CHRNB4: variants seen among roughly 807,000 people sequenced by gnomAD.
CHRNB4 encodes neuronal acetylcholine receptor subunit beta-4.
Under a neutral mutation model 40.4 loss-of-function variants are expected in CHRNB4, and 23 were observed. The ratio of observed to expected loss-of-function variants is 0.57; its 90% CI spans 0.41 to 0.81. CHRNB4 has a LOEUF of 0.81. Ranked by LOEUF, CHRNB4 falls within the 30% of genes least tolerant of loss-of-function variation. CHRNB4 has a pLI of 0.00. For missense variants in CHRNB4, 568 were observed against 670.6 expected (o/e 0.85, Z 1.69); for synonymous variants, 285 against 274.4 (o/e 1.04, Z -0.38).
At chr15:78,643,076 C>G (rs2054094997), upstream of CHRNB4, among the ~76,000 whole-genome samples, 1 of 151,652 alleles carries the variant, frequency 6.6e-6, no homozygotes, top group Non-Finnish European at 1.5e-5. Flanking sequence ...ATACCCAGAA[C>G]CTAGAAAACC....
upstream of CHRNB4, among the ~76,000 whole-genome samples, chr15:78,642,893 C>T (rs72743168): frequency 0.046 from 7,034 of 152,272 alleles, 235 homozygotes; most frequent in Middle Eastern, 0.088. Context: ...TGCATTGCTT[C>T]TGGAGCCAGG....
At chr15:78,660,469 CCTA>C (rs1455303243) in intron 1 of CHRNB4, 6 of 152,288 alleles carry the variant, frequency 3.9e-5, no homozygotes, top group African/African-American at 9.6e-5. Context: ...CTAGTAAAAA[CCTA>C]CTATGACGTG....
chr15:78,648,962 G>A (rs113836107), intron 7 of CHRNB4, among the ~76,000 whole-genome samples: 3,484 of 152,130 alleles, frequency 0.023, 133 homozygotes, highest in African/African-American at 0.079. Flanking sequence ...ATTTTTTGTA[G>A]AGACCGGGTC....
At chr15:78,660,588 G>C (rs997940508), upstream of CHRNB4, 1 of 154,208 alleles carries the variant, frequency 6.5e-6, no homozygotes, top group Admixed American at 6.4e-5. Context: ...GCTCATAGAG[G>C]GCCCCACGTC....
At chr15:78,640,521 A>C (rs1310657987) in intron 1 of CHRNB4, among the ~76,000 whole-genome samples, 2 of 152,176 alleles carry the variant, frequency 1.3e-5, no homozygotes, top group African/African-American at 2.4e-5. Context: ...AGGGCTGCTG[A>C]TTTGGGCAAG....
chr15:78,643,920 C>G (rs888619514), upstream of CHRNB4, among the ~76,000 whole-genome samples: 1 of 149,600 alleles, frequency 6.7e-6, no homozygotes, highest in African/African-American at 2.5e-5. Flanking sequence ...GAGGCTGAGG[C>G]GGGCGGATCA....
At chr15:78,647,910 A>G (rs1183755771) in intron 7 of CHRNB4, among the ~76,000 whole-genome samples, 1 of 151,760 alleles carries the variant, frequency 6.6e-6, no homozygotes, top group African/African-American at 2.4e-5. Context: ...AATGGCAACA[A>G]AAACCTTACG....
chr15:78,659,720 A>G (rs1197609674), intron 1 of CHRNB4, among the ~76,000 whole-genome samples: 2 of 152,250 alleles, frequency 1.3e-5, no homozygotes, highest in Non-Finnish European at 2.9e-5. Flanking sequence ...GGTTAGACAG[A>G]GATAGTGAGG....
rs140191301 is a variant in CHRNB4 at position 78,626,756 on chromosome 15, G to A, written c.1339-1465C>T. ...CTTCACAGGATTCCAGGGAGGGTTA[G>A]CAGTAATGTATGTCAGCTCCCAGCA... On this transcript the variant is annotated intron_variant, in intron 5 of 5. Transcript: ENST00000261751. 9 of 152,370 alleles carry A rather than the reference G, an allele frequency of 5.9e-5. No homozygotes were observed. The East Asian group carries it at 1.7e-3, about 29-fold the overall frequency. 9.4% of individuals were successfully genotyped at this position (152,370 alleles called of 1,614,324 possible).
rs572877281 is a variant in CHRNB4 at position 78,631,007 on chromosome 15, T to G, written c.359+69A>C. On this transcript the variant is annotated intron_variant, in intron 4 of 5. Transcript: ENST00000261751. The stretch of plus-strand genomic sequence containing the variant: ...GCTCAGGGTTGGACTCAGGCCTGGA[T>G]GACTCTTAGGGCTGGGCCTGCTGCC... 1.2e-4 allele frequency: 147 copies of G among 1,246,858 alleles called. No homozygotes were observed. The African/African-American group carries it at 2.0e-3, about 17-fold the overall frequency. 77.2% of individuals were successfully genotyped at this position (1,246,858 alleles called of 1,614,324 possible). A position where few individuals can be genotyped will look rare whatever the true frequency, so the allele number is the denominator to read the frequency against.
chr15:78,633,869 G>C (rs1383093979), intron 2 of CHRNB4, among the ~76,000 whole-genome samples: 1 of 147,620 alleles, frequency 6.8e-6, no homozygotes, highest in African/African-American at 2.5e-5. Flanking sequence ...GTCAGCAGAG[G>C]AAACAGTGCT....
upstream of CHRNB4, chr15:78,661,464 A>G (rs1596128407): frequency 7.8e-6 from 4 of 515,696 alleles, no homozygotes; most frequent in East Asian, 1.4e-4. Flanking sequence ...CAGCCTCTTC[A>G]GTACAACCTG....
chr15:78,652,008 G>A (rs993254219), intron 6 of CHRNB4, among the ~76,000 whole-genome samples: 2 of 152,210 alleles, frequency 1.3e-5, no homozygotes, highest in Non-Finnish European at 2.9e-5. Flanking sequence ...TCATCATTTT[G>A]TCCTCACAAG....
intron 4 of CHRNB4, among the ~76,000 whole-genome samples, chr15:78,655,977 G>C (rs11638830): frequency 0.28 from 41,992 of 151,952 alleles, 7,434 homozygotes; most frequent in Non-Finnish European, 0.41. Context: ...AAAATTTTTG[G>C]TGCCACTCTA....
intron 6 of CHRNB4, among the ~76,000 whole-genome samples, chr15:78,652,340 G>A: frequency 6.6e-6 from 1 of 152,220 alleles, no homozygotes; most frequent in East Asian, 1.9e-4. Flanking sequence ...GTCATAGGTT[G>A]CCATGTCTGA....
chr15:78,656,694 AAAG>A (rs1454899676), intron 3 of CHRNB4: 2 of 152,226 alleles, frequency 1.3e-5, no homozygotes, highest in African/African-American at 4.8e-5. Context: ...CAAAAAGCTG[AAAG>A]AAGAGCAGAA....
At chr15:78,648,221 G>A (rs2054142292) in intron 7 of CHRNB4, among the ~76,000 whole-genome samples, 1 of 151,380 alleles carries the variant, frequency 6.6e-6, no homozygotes, top group Middle Eastern at 3.2e-3. Context: ...GTGAAACCCT[G>A]TCTCTACTAA....
exon 7 of CHRNB4, chr15:78,649,424 T>A (rs1292206546): frequency 2.2e-6 from 1 of 455,296 alleles, no homozygotes; most frequent in South Asian, 1.6e-5. Flanking sequence ...CTACCGCCCA[T>A]CTGCCAAATC....
intron 2 of CHRNB4, chr15:78,634,529 C>T: frequency 6.1e-6 from 2 of 329,452 alleles, no homozygotes; most frequent in Non-Finnish European, 1.2e-5. Context: ...TTAATTTGGC[C>T]AAAGCCTTCC....
Sources: allele counts gnomAD v4.1 joint callset (sites outside exome capture counted in the v4.1 genomes callset), GRCh38; gene constraint gnomAD v4.1.1; transcripts MANE v1.5; gene names NCBI Gene and HGNC (gene_info 2026-07-23, HGNC 2026-07-21).